The following CACNA2D3 variants were observed in gnomAD, a reference collection of about 807,000 sequenced individuals.
CACNA2D3 encodes voltage-dependent calcium channel subunit alpha-2/delta-3.
In CACNA2D3, 60 loss-of-function variants were observed where a neutral mutation model predicts 160.6. The ratio of observed to expected loss-of-function variants is 0.37; its 90% CI spans 0.30 to 0.46. CACNA2D3 has a LOEUF of 0.46. Ranked by LOEUF, CACNA2D3 falls within the 20% of genes least tolerant of loss-of-function variation. The pLI, the probability that CACNA2D3 is intolerant of heterozygous loss-of-function variation, is 1.00. For synonymous variants in CACNA2D3, 558 were observed against 492.9 expected (o/e 1.13, Z -1.75); for missense variants, 1,205 against 1,365.0 (o/e 0.88, Z 1.85).
chr3:54,895,758 C>T (rs904327081), intron 25 of CACNA2D3, among the ~76,000 whole-genome samples: 4 of 152,188 alleles, frequency 2.6e-5, no homozygotes, highest in Admixed American at 6.5e-5. Context: ...GTCATCCCCC[C>T]ACCGCCTGAG....
intron 2 of CACNA2D3, among the ~76,000 whole-genome samples, chr3:54,191,470 C>T (rs1700982989): frequency 6.6e-6 from 1 of 151,934 alleles, no homozygotes; most frequent in African/African-American, 2.4e-5. Flanking sequence ...CATACGCATG[C>T]TGAGCAGTCC....
chr3:54,771,382 G>A (rs997333206), intron 13 of CACNA2D3, among the ~76,000 whole-genome samples: 2 of 152,198 alleles, frequency 1.3e-5, no homozygotes, highest in African/African-American at 4.8e-5. Context: ...CAAGTTAGGT[G>A]GATCCTCAGC....
chr3:54,224,044 A>ATT (rs969674936), intron 2 of CACNA2D3, among the ~76,000 whole-genome samples: 1 of 149,870 alleles, frequency 6.7e-6, no homozygotes, highest in East Asian at 2.0e-4. Context: ...TTTCTATTAA[A>ATT]TTTTTTTTTT....
chr3:54,896,583 AT>A (rs1441547952), intron 25 of CACNA2D3, 165 bp from the exon 26 acceptor site: 1 of 686,920 alleles, frequency 1.5e-6, no homozygotes, highest in Non-Finnish European at 2.5e-6. Flanking sequence ...TTTTTGAGTA[AT>A]CTGGGGTGCA....
chr3:54,574,901 T>C (rs73841665), intron 8 of CACNA2D3, among the ~76,000 whole-genome samples: 1,974 of 152,372 alleles, frequency 0.013, 37 homozygotes, highest in African/African-American at 0.042. Flanking sequence ...AGCAAGAACT[T>C]TCTGATGCCC....
At chr3:54,827,268 G>T (rs999197421) in intron 14 of CACNA2D3, among the ~76,000 whole-genome samples, 6 of 152,230 alleles carry the variant, frequency 3.9e-5, no homozygotes, top group Admixed American at 3.9e-4. Context: ...CAACGTCTTT[G>T]TCAGGGTTCA....
intron 27 of CACNA2D3, among the ~76,000 whole-genome samples, chr3:54,946,308 C>A (rs1355648317): frequency 6.6e-6 from 1 of 152,196 alleles, no homozygotes; most frequent in East Asian, 1.9e-4. Flanking sequence ...TGTACCCATC[C>A]TGTACATGTC....
chr3:54,503,466 T>C, intron 4 of CACNA2D3, 26 bp from the exon 5 acceptor site: 2 of 1,611,806 alleles, frequency 1.2e-6, no homozygotes, highest in Non-Finnish European at 1.7e-6. Context: ...AAGCCACATG[T>C]AATGTTTTTT....
intron 2 of CACNA2D3, among the ~76,000 whole-genome samples, chr3:54,187,357 A>T (rs1700896263): frequency 6.6e-6 from 1 of 152,168 alleles, no homozygotes; most frequent in Non-Finnish European, 1.5e-5. Context: ...AACTACAGAG[A>T]TTTTAAAGGC....
chr3:54,911,798 C>T (rs1049346447), intron 27 of CACNA2D3, among the ~76,000 whole-genome samples: 1 of 152,204 alleles, frequency 6.6e-6, no homozygotes, highest in African/African-American at 2.4e-5. Context: ...CCAAAACTCT[C>T]TATTGACTTC....
chr3:55,018,412 C>T, intron 35 of CACNA2D3, 95 bp downstream of exon 35: 1 of 720,962 alleles, frequency 1.4e-6, no homozygotes, highest in Admixed American at 2.3e-5. Flanking sequence ...CACAGTTACA[C>T]CAATAGAAAA....
At chr3:54,686,407 A>G (rs927153386) in intron 11 of CACNA2D3, among the ~76,000 whole-genome samples, 2 of 152,218 alleles carry the variant, frequency 1.3e-5, no homozygotes, top group African/African-American at 2.4e-5. Context: ...AAGGATATAA[A>G]TTTGTTAGTC....
chr3:54,181,535 A>C (rs9879718), intron 2 of CACNA2D3, among the ~76,000 whole-genome samples: 82,065 of 152,004 alleles, frequency 0.54, 22,470 homozygotes, highest in South Asian at 0.69. Flanking sequence ...TGTGCCTGTT[A>C]AAATCTGCCC....
chr3:54,986,551 C>G (rs985730812), intron 30 of CACNA2D3, among the ~76,000 whole-genome samples: 2 of 152,168 alleles, frequency 1.3e-5, no homozygotes, highest in African/African-American at 4.8e-5. Context: ...AATGTTGTTT[C>G]CTTCTTCCTC....
intron 2 of CACNA2D3, among the ~76,000 whole-genome samples, chr3:54,280,216 G>A (rs945831324): frequency 6.6e-6 from 1 of 151,970 alleles, no homozygotes; most frequent in Non-Finnish European, 1.5e-5. Context: ...TGAGTAGCTG[G>A]AACTACAGGT....
At chr3:54,557,556 G>A (rs1702259557) in intron 5 of CACNA2D3, among the ~76,000 whole-genome samples, 1 of 152,200 alleles carries the variant, frequency 6.6e-6, no homozygotes, top group Admixed American at 6.5e-5. Context: ...GAGACAGTGA[G>A]CTAAGGAAAT....
intron 11 of CACNA2D3, among the ~76,000 whole-genome samples, chr3:54,716,360 G>A (rs1198113765): frequency 6.6e-6 from 1 of 152,064 alleles, no homozygotes; most frequent in African/African-American, 2.4e-5. Flanking sequence ...AGGGTTTTGA[G>A]GGCTTCGATA....
At chr3:55,057,456 A>G (rs1026715255) in intron 35 of CACNA2D3, among the ~76,000 whole-genome samples, 5 of 152,206 alleles carry the variant, frequency 3.3e-5, no homozygotes, top group Admixed American at 2.0e-4. Context: ...AGGGTTAGCA[A>G]TGGAGAGAGC....
intron 27 of CACNA2D3, among the ~76,000 whole-genome samples, chr3:54,903,766 GATAT>G (rs1435066889): frequency 1.3e-5 from 2 of 152,260 alleles, no homozygotes; most frequent in Admixed American, 1.3e-4. Flanking sequence ...GGTGTGAGAT[GATAT>G]CTCATTGTGG....
Sources: allele counts gnomAD v4.1 joint callset (sites outside exome capture counted in the v4.1 genomes callset), GRCh38; gene constraint gnomAD v4.1.1; transcripts MANE v1.5; gene names NCBI Gene and HGNC (gene_info 2026-07-23, HGNC 2026-07-21).